GNB4: variants seen among roughly 807,000 people sequenced by gnomAD.
GNB4 encodes guanine nucleotide-binding protein subunit beta-4.
A neutral mutation model predicts 45.2 loss-of-function variants in GNB4; 28 were observed. That is an observed-to-expected ratio of 0.62 (90% CI 0.46 to 0.85). The LOEUF is 0.85. GNB4 is among the 40% of genes least tolerant of loss of function. The pLI is 0.00. For missense variants in GNB4, 321 were observed against 425.4 expected, an observed-to-expected ratio of 0.75 and a Z score of 2.16; for synonymous variants, 132 against 143.7, an observed-to-expected ratio of 0.92 and a Z score of 0.58.
the GNB4 span, chr3:179,465,164 AT>A: frequency 1.6e-6 from 2 of 1,264,526 alleles, no homozygotes; most frequent in South Asian, 2.4e-5. Context: ...AGTCACTGAT[AT>A]GGGAATAAAT....
the GNB4 span, among the ~76,000 whole-genome samples, chr3:179,481,178 G>A: frequency 6.6e-6 from 1 of 152,042 alleles, no homozygotes; most frequent in Non-Finnish European, 1.5e-5. Context: ...TAAAGTTGTA[G>A]ATCTTCTGAA....
rs1282517748 is a variant in GNB4 at position 179,414,920 on chromosome 3, T to G, written c.395A>C (p.Asn132Thr). 1 of 1,604,242 alleles carries G rather than the reference T, an allele frequency of 6.2e-7. No individual in the cohort carries two copies. Among genetic ancestry groups the G allele is most frequent in the South Asian group, 1.1e-5 (1 of 89,712 alleles). The change falls in exon 6 of 10, where the codon AAT becomes ACT. Residue 132 changes from asparagine (N) to threonine (T), a missense_variant. Transcript: ENST00000232564. Reference sequence around the variant, plus strand: ...TGGCAACTCTCGGCTTACTCTCACATTTCCCTCTCTGGTCTTTAAGTTATA... The same window carrying G: ...TGGCAACTCTCGGCTTACTCTCACAGTTCCCTCTCTGGTCTTTAAGTTATA... ...SIYNLKTREGNVRVSRELPGH... is the reference protein window; with the variant it reads ...SIYNLKTREGTVRVSRELPGH...
At chr3:179,409,869 C>T (rs557228028) in intron 8 of GNB4, among the ~76,000 whole-genome samples, 1 of 151,942 alleles carries the variant, frequency 6.6e-6, no homozygotes, top group East Asian at 1.9e-4. Context: ...CCAGTGAATC[C>T]GAGTGATCAG....
intron 2 of GNB4, among the ~76,000 whole-genome samples, chr3:179,423,129 A>G (rs1715042940): frequency 6.6e-6 from 1 of 152,164 alleles, no homozygotes; most frequent in Non-Finnish European, 1.5e-5. Context: ...TTAAACTAAG[A>G]AAAGTACATA....
rs564104106 is a variant in GNB4, at chr3:179,436,666, T to C, written c.-42-10424A>G. Among the ~76,000 whole-genome samples the C allele has an allele frequency of 2.8e-4, 42 of 152,298 alleles. 2 individuals carry two copies. The South Asian group carries it at 8.3e-3, about 30-fold the overall frequency. ...CCCAAGTGTTCCATACAAAGACATC[T>C]CCACGTGGCTTTCTTTCTCAGGAAG... On this transcript the variant is annotated intron_variant, in intron 1 of 9. Coordinates refer to ENST00000232564, the MANE Select transcript of GNB4 (RefSeq NM_021629.4).
chr3:179,492,402 C>A, the GNB4 span, among the ~76,000 whole-genome samples: 1 of 152,170 alleles, frequency 6.6e-6, no homozygotes, highest in Admixed American at 6.5e-5. Context: ...CATGCCAAAC[C>A]CTAGTGCCAG....
At chr3:179,409,690 G>C (rs1023306054) in intron 8 of GNB4, among the ~76,000 whole-genome samples, 1 of 151,142 alleles carries the variant, frequency 6.6e-6, no homozygotes, top group African/African-American at 2.4e-5. Flanking sequence ...TGCGCCTGTA[G>C]TCTCAGTTAC....
At chr3:179,456,434 A>G (rs541045403), upstream of GNB4, among the ~76,000 whole-genome samples, 3 of 152,228 alleles carry the variant, frequency 2.0e-5, no homozygotes, top group Admixed American at 2.0e-4. Flanking sequence ...ACAATCTAAG[A>G]TTCTGTCTTT....
In GNB4 at chr3:179,397,191, A is replaced by G. The variant is rs1714143952; in HGVS notation, c.*4022T>C. 2 of 152,232 alleles carry G rather than the reference A, an allele frequency of 1.3e-5. No homozygotes were observed. Among genetic ancestry groups the G allele is most frequent in the Non-Finnish European group, 2.9e-5 (2 of 68,038 alleles). The allele number at this position is 152,232 out of a possible 1,614,324, so 9.4% of individuals were successfully genotyped here. Reference sequence around the variant, plus strand: ...CCAGTTTTCCTAAGTTAAACCAAGAATAAGCCACAAGTATTCAATTGTGTT... The same window carrying G: ...CCAGTTTTCCTAAGTTAAACCAAGAGTAAGCCACAAGTATTCAATTGTGTT... On this transcript the variant is annotated 3_prime_UTR_variant, in exon 10 of 10. Coordinates refer to ENST00000232564, the MANE Select transcript of GNB4 (RefSeq NM_021629.4).
the GNB4 span, among the ~76,000 whole-genome samples, chr3:179,456,513 T>C: frequency 6.6e-6 from 1 of 152,238 alleles, no homozygotes; most frequent in Non-Finnish European, 1.5e-5. Flanking sequence ...TTTCAAACAA[T>C]GGAAAACATC....
the GNB4 span, among the ~76,000 whole-genome samples, chr3:179,513,584 A>G: frequency 6.6e-6 from 1 of 152,108 alleles, no homozygotes; most frequent in African/African-American, 2.4e-5. Context: ...TTTTAGGATG[A>G]GTGCTTCTGC....
chr3:179,452,902 GT>G (rs1374514329), upstream of GNB4, among the ~76,000 whole-genome samples: 6 of 152,102 alleles, frequency 3.9e-5, no homozygotes, highest in Non-Finnish European at 8.8e-5. Flanking sequence ...TATGATTGTC[GT>G]TTTTCGGAGG....
At chr3:179,510,119 A>G in the GNB4 span, among the ~76,000 whole-genome samples, 2 of 151,680 alleles carry the variant, frequency 1.3e-5, no homozygotes, top group Non-Finnish European at 2.9e-5. Context: ...TGTGAGCCAC[A>G]GTGCCCAGGC....
At chr3:179,415,640 A>AAAGT (rs35490277) in intron 5 of GNB4, among the ~76,000 whole-genome samples, 41,640 of 151,916 alleles carry the variant, frequency 0.27, 5,893 homozygotes, top group East Asian at 0.36. Flanking sequence ...CAGATGGAAA[A>AAAGT]AAGGTGTATG....
chr3:179,426,073 A>C, intron 2 of GNB4, 71 bp downstream of exon 2: 1 of 1,221,468 alleles, frequency 8.2e-7, no homozygotes, highest in East Asian at 2.3e-5. Context: ...TAGACTGATA[A>C]ACTAATAGGC....
At chr3:179,506,123 G>A in the GNB4 span, among the ~76,000 whole-genome samples, 15 of 152,152 alleles carry the variant, frequency 9.9e-5, no homozygotes, top group African/African-American at 2.9e-4. Context: ...CAGGAGGATC[G>A]CTTGAGCTTA....
At chr3:179,407,906 TGAGAA>T (rs1714523744) in intron 8 of GNB4, among the ~76,000 whole-genome samples, 3 of 152,114 alleles carry the variant, frequency 2.0e-5, no homozygotes, top group Non-Finnish European at 4.4e-5. Context: ...CGTAATTTCT[TGAGAA>T]GAGGGGTTTT....
the GNB4 span, among the ~76,000 whole-genome samples, chr3:179,457,943 C>G: frequency 1.3e-5 from 2 of 149,582 alleles, no homozygotes; most frequent in African/African-American, 4.9e-5. Flanking sequence ...CTTGCTCTGT[C>G]ACCCAGGCTG....
At chr3:179,420,579 C>T (rs1292160077) in intron 3 of GNB4, among the ~76,000 whole-genome samples, 2 of 151,838 alleles carry the variant, frequency 1.3e-5, no homozygotes, top group African/African-American at 4.8e-5. Context: ...TCTCCTGCCT[C>T]AACCTCCCGA....
Sources: gnomAD v4.1 joint callset for allele counts (sites outside exome capture counted in the v4.1 genomes callset) on GRCh38, gnomAD v4.1.1 for gene constraint, MANE v1.5 for transcripts, NCBI Gene and HGNC (gene_info 2026-07-23, HGNC 2026-07-21) for gene names.